The following ZSCAN18 variants were observed in gnomAD, a reference collection of about 807,000 sequenced individuals.
ZSCAN18 encodes the protein zinc finger and SCAN domain-containing protein 18.
A neutral mutation model predicts 31.1 loss-of-function variants in ZSCAN18; 16 were observed. The ratio of observed to expected loss-of-function variants is 0.51; its 90% CI spans 0.35 to 0.78. The LOEUF is 0.78. Among genes scored for constraint, ZSCAN18 ranks in the 30% least tolerant of loss-of-function variants. The pLI is 0.01. For missense variants in ZSCAN18, 731 were observed against 697.4 expected (o/e 1.05, Z -0.54); for synonymous variants, 375 against 320.7 (o/e 1.17, Z -1.81).
In ZSCAN18 at chr19:58,095,243, G is replaced by A. The variant is rs55873316; in HGVS notation, c.-120+2931C>T. Among the ~76,000 whole-genome samples, 1,311 of 152,268 alleles carry A rather than the reference G, an allele frequency of 8.6e-3. 9 individuals are homozygous for A. Among genetic ancestry groups the A allele is most frequent in the Admixed American group, 0.014 (208 of 15,292 alleles). ...CATGTAATTTTGGCTTTCTTAGGAC[G>A]CCAGAGGCTTGTTCACCTTGCAGAG... On this transcript the variant is annotated intron_variant, in intron 1 of 6. Transcript: ENST00000601144.
At position 58,098,213 on chromosome 19, in the gene ZSCAN18, A is replaced by G. The variant is rs965910980; in HGVS notation, c.-159T>C. 3.0e-6 allele frequency: 3 copies of G among 985,458 alleles called. No individual in the cohort carries two copies. Among genetic ancestry groups the G allele is most frequent in the Admixed American group, 1.2e-4 (2 of 16,290 alleles). The allele number at this position is 985,458 out of a possible 1,614,324, so 61.0% of individuals were successfully genotyped here. The stretch of plus-strand genomic sequence containing the variant: ...CCCCAGGCCGGTCCCAGCCGCCCGG[A>G]GCCCCAGTGCGCGATGGCGGCCGGC... On this transcript the variant is annotated 5_prime_UTR_variant, in exon 1 of 7. Coordinates refer to ENST00000601144, the MANE Select transcript of ZSCAN18 (RefSeq NM_001145543.2).
chr19:58,114,812 T>G (rs1056156733), intron 1 of ZSCAN18, among the ~76,000 whole-genome samples: 1 of 152,132 alleles, frequency 6.6e-6, no homozygotes, highest in African/African-American at 2.4e-5. Flanking sequence ...TTCAGAAACT[T>G]GTCAAAATAT....
intron 1 of ZSCAN18, chr19:58,108,453 T>G: frequency 3.0e-6 from 3 of 985,568 alleles, no homozygotes; most frequent in Non-Finnish European, 3.6e-6. Flanking sequence ...GTGGGTTTTC[T>G]CATGCTTGGT....
chr19:58,102,629 G>C (rs979998891), upstream of ZSCAN18, among the ~76,000 whole-genome samples: 1 of 152,176 alleles, frequency 6.6e-6, no homozygotes, highest in Non-Finnish European at 1.5e-5. Flanking sequence ...AGGTAGGAAG[G>C]ACTACAATGG....
At chr19:58,108,915 A>G in intron 1 of ZSCAN18, 8 of 1,038,766 alleles carry the variant, frequency 7.7e-6, no homozygotes, top group Non-Finnish European at 8.1e-6. Flanking sequence ...CTCTACAGTC[A>G]TCATTTTCCT....
At chr19:58,108,599 T>G (rs1202145859) in intron 1 of ZSCAN18, 1 of 985,648 alleles carries the variant, frequency 1.0e-6, no homozygotes, top group African/African-American at 1.7e-5. Flanking sequence ...GTATAAGGGC[T>G]CTCTCCAGTA....
rs1290187194 is a variant in ZSCAN18 at position 58,084,782 on chromosome 19, G to T, written c.1436C>A (p.Pro479Gln). ...CCCCGCCTGGGCTTCGCGGGTGGAC[G>T]GTTGGGGGCCCCGGGCGCCCCCCAG... ...YALGGARGPQPSTREAQAGAR... is the reference protein window; with the variant it reads ...YALGGARGPQQSTREAQAGAR... Residue 479 changes from proline to glutamine, a missense_variant, in exon 7 of 7, where the codon CCG (proline) becomes CAG (glutamine). Pro to Gln is a moderately conservative substitution (Grantham distance 76). This residue lies in a region of ZSCAN18 where 597 missense variants were observed against 499.5 expected (regional missense o/e 1.20). Transcript: ENST00000601144. The surrounding 1 kb of genome is among the most constrained non-coding windows in gnomAD (Gnocchi z 4.5). The T allele has an allele frequency of 2.5e-6, 4 of 1,576,954 alleles. No individual in the cohort carries two copies. The East Asian group carries it at 9.2e-5, about 36-fold the overall frequency.
chr19:58,089,392 C>A (rs1228416583), intron 2 of ZSCAN18, among the ~76,000 whole-genome samples: 1 of 146,934 alleles, frequency 6.8e-6, no homozygotes. Flanking sequence ...CTTTGGGAGA[C>A]CAAGGCGGGC....
chr19:58,087,495 G>T, intron 3 of ZSCAN18, 91 bp from the exon 4 acceptor site: 1 of 1,136,054 alleles, frequency 8.8e-7, no homozygotes. Flanking sequence ...CTCCCACACA[G>T]GCCCCAGTGT....
chr19:58,117,359 G>A (rs1458620680), intron 1 of ZSCAN18, among the ~76,000 whole-genome samples: 1 of 152,100 alleles, frequency 6.6e-6, no homozygotes, highest in Admixed American at 6.6e-5. Flanking sequence ...GGGCAGCCCA[G>A]TATACAACCG....
chr19:58,089,742 A>C (rs2074372293), intron 2 of ZSCAN18, 123 bp downstream of exon 2: 2 of 1,250,274 alleles, frequency 1.6e-6, no homozygotes, highest in South Asian at 3.0e-5. Flanking sequence ...CCCGAGGACC[A>C]AGGAGCTGCC....
upstream of ZSCAN18, among the ~76,000 whole-genome samples, chr19:58,100,834 C>G (rs959540727): frequency 5.3e-5 from 8 of 151,626 alleles, no homozygotes; most frequent in Non-Finnish European, 1.0e-4. Flanking sequence ...GAGATCGCAC[C>G]ACTGCACTCC....
chr19:58,090,178 C>A lies in ZSCAN18; in HGVS notation c.90G>T (p.Gln30His). ...CAGGGATGGTCTCGGGTTCTTCCTG[C>A]TGGACTCCGGCTGCTGACCCCGGCG... Reference protein sequence around the residue: ...LPTPGSAAGVQQEEPETIPER... With the variant: ...LPTPGSAAGVHQEEPETIPER... Residue 30 changes from glutamine to histidine, a missense_variant, in exon 2 of 7, where the codon CAG becomes CAT. This residue lies in a region of ZSCAN18 where 86 missense variants were observed against 119.1 expected (regional missense o/e 0.72). Coordinates refer to ENST00000601144, the MANE Select transcript of ZSCAN18 (RefSeq NM_001145543.2). The surrounding 1 kb of genome is among the most constrained non-coding windows in gnomAD (Gnocchi z 4.7). The A allele has an allele frequency of 6.2e-7, 1 of 1,613,800 alleles. No homozygotes were observed. Among genetic ancestry groups the A allele is most frequent in the Non-Finnish European group, 8.5e-7 (1 of 1,179,994 alleles).
intron 1 of ZSCAN18, among the ~76,000 whole-genome samples, chr19:58,105,865 G>A (rs2074630514): frequency 6.6e-6 from 1 of 151,948 alleles, no homozygotes; most frequent in Non-Finnish European, 1.5e-5. Flanking sequence ...TGTAGTCCCA[G>A]CTACTCAAGA....
At chr19:58,093,756 C>T (rs565256257) in intron 1 of ZSCAN18, among the ~76,000 whole-genome samples, 1 of 152,196 alleles carries the variant, frequency 6.6e-6, no homozygotes, top group South Asian at 2.1e-4. Context: ...ATGTTTCTTA[C>T]TATCTAATGC....
intron 1 of ZSCAN18, among the ~76,000 whole-genome samples, chr19:58,111,669 C>T (rs938909902): frequency 2.6e-5 from 4 of 151,978 alleles, no homozygotes; most frequent in African/African-American, 9.7e-5. Flanking sequence ...CCAGCATGTA[C>T]CAAACAATTA....
intron 1 of ZSCAN18, among the ~76,000 whole-genome samples, chr19:58,114,061 A>C (rs1235493205): frequency 6.6e-6 from 1 of 152,144 alleles, no homozygotes; most frequent in Non-Finnish European, 1.5e-5. Context: ...CAAGGTCAGG[A>C]GTTCAAGACC....
In ZSCAN18 at chr19:58,118,362, G is replaced by GCGTCCTCGTCAGCT. The variant is rs2074751743; in HGVS notation, c.21_34dup (p.Ala12GlufsTer66). On this transcript the variant is annotated frameshift_variant, in exon 1 of 2. Coordinates refer to the ZSCAN18 transcript ENST00000595721. LOFTEE classifies it high-confidence loss of function. ...ACGGAACTCACTTCCCGCCGCCGTA[G>GCGTCCTCGTCAGCT]CGTCCTCGTCAGCTCGCCCTCCGAC... 4 of 1,533,670 alleles carry GCGTCCTCGTCAGCT rather than the reference G, an allele frequency of 2.6e-6. No homozygotes were observed. Among genetic ancestry groups the GCGTCCTCGTCAGCT allele is most frequent in the Non-Finnish European group, 2.6e-6 (3 of 1,139,120 alleles).
intron 1 of ZSCAN18, among the ~76,000 whole-genome samples, chr19:58,094,598 C>A (rs909806064): frequency 6.6e-6 from 1 of 151,970 alleles, no homozygotes; most frequent in Non-Finnish European, 1.5e-5. Flanking sequence ...AAACAGGTGG[C>A]CAGGTGTGGT....
Sources: allele counts gnomAD v4.1 joint callset (sites outside exome capture counted in the v4.1 genomes callset), GRCh38; gene constraint gnomAD v4.1.1; regional missense constraint gnomAD v4.1.1; non-coding constraint Gnocchi (gnomAD v3.1); transcripts MANE v1.5; gene names NCBI Gene and HGNC (gene_info 2026-07-23, HGNC 2026-07-21).